The following ADCY2 variants were observed in gnomAD, a reference collection of about 807,000 sequenced individuals.
The protein encoded by ADCY2 is adenylate cyclase type 2.
ADCY2 carries 31 observed loss-of-function variants against 125.2 expected under a neutral mutation model. The observed-to-expected ratio is 0.25, with a 90% CI of 0.19 to 0.33. The LOEUF is 0.33. Among genes scored for constraint, ADCY2 ranks in the 10% least tolerant of loss-of-function variants. The pLI, the probability that ADCY2 is intolerant of heterozygous loss-of-function variation, is 1.00. For missense variants in ADCY2, 904 were observed against 1,418.2 expected (o/e 0.64, Z 5.82); for synonymous variants, 512 against 548.4 (o/e 0.93, Z 0.93).
rs996271916 is a variant in ADCY2, at chr5:7,561,292, A to G, written c.570+40393A>G. Among the ~76,000 whole-genome samples the G allele has an allele frequency of 3.9e-5, 6 of 152,228 alleles. No homozygotes were observed. The South Asian group carries it at 1.2e-3, about 32-fold the overall frequency. ...GCAATTTCATCATTGTGCGAACATCATAGCATGTACTTACGCAAACCTAAA... is the reference window on the plus strand; with the variant it reads ...GCAATTTCATCATTGTGCGAACATCGTAGCATGTACTTACGCAAACCTAAA... On this transcript the variant is annotated intron_variant, in intron 3 of 24. Transcript: ENST00000338316.
intron 4 of ADCY2, among the ~76,000 whole-genome samples, chr5:7,644,151 A>G (rs536235662): frequency 6.6e-6 from 1 of 152,192 alleles, no homozygotes; most frequent in South Asian, 2.1e-4. Flanking sequence ...TTGAAAAAGT[A>G]GTTACTTTTC....
intron 4 of ADCY2, among the ~76,000 whole-genome samples, chr5:7,633,763 C>T (rs532298966): frequency 6.6e-6 from 1 of 152,214 alleles, no homozygotes; most frequent in Non-Finnish European, 1.5e-5. Flanking sequence ...GCCCCCAAAA[C>T]CAGAAGTCAT....
intron 3 of ADCY2, among the ~76,000 whole-genome samples, chr5:7,544,592 T>G (rs1054785241): frequency 1.3e-5 from 2 of 152,080 alleles, no homozygotes; most frequent in Non-Finnish European, 2.9e-5. Context: ...GTGTGCAAAG[T>G]CCCTTTTGCC....
At chr5:7,795,842 G>A (rs1029447234) in intron 20 of ADCY2, 3 of 151,316 alleles carry the variant, frequency 2.0e-5, no homozygotes, top group African/African-American at 7.4e-5. Context: ...TATGTTTTAA[G>A]TATTCAATAG....
At chr5:7,421,506 A>G (rs113111556) in intron 2 of ADCY2, among the ~76,000 whole-genome samples, 2 of 152,282 alleles carry the variant, frequency 1.3e-5, no homozygotes, top group African/African-American at 4.8e-5. Flanking sequence ...TTGGATTACA[A>G]CCACCCTAAT....
intron 15 of ADCY2, among the ~76,000 whole-genome samples, chr5:7,750,016 A>G (rs986978331): frequency 1.3e-5 from 2 of 152,166 alleles, no homozygotes; most frequent in African/African-American, 2.4e-5. Context: ...TGAAAAGGAT[A>G]TAGGTTTTAG....
At chr5:7,570,118 C>G (rs1297452008) in intron 3 of ADCY2, among the ~76,000 whole-genome samples, 1 of 151,958 alleles carries the variant, frequency 6.6e-6, no homozygotes, top group Non-Finnish European at 1.5e-5. Context: ...TTCACTTAAG[C>G]TTTTCCCTGA....
At chr5:7,559,305 A>G (rs7715349) in intron 3 of ADCY2, among the ~76,000 whole-genome samples, 56,356 of 152,120 alleles carry the variant, frequency 0.37, 11,165 homozygotes, top group African/African-American at 0.42. Context: ...TCCTATCCAG[A>G]AGCATGGAAT....
intron 3 of ADCY2, among the ~76,000 whole-genome samples, chr5:7,606,070 C>A (rs2126639403): frequency 6.6e-6 from 1 of 150,504 alleles, no homozygotes; most frequent in Non-Finnish European, 1.5e-5. Flanking sequence ...TTGAGATAAT[C>A]ATGTGGTTTT....
chr5:7,589,139 C>A (rs979701038), intron 3 of ADCY2, among the ~76,000 whole-genome samples: 12 of 152,050 alleles, frequency 7.9e-5, no homozygotes, highest in Admixed American at 5.2e-4. Context: ...TTGATAATTG[C>A]ACAATAACCT....
chr5:7,396,391 G>T lies in ADCY2; in HGVS notation c.95G>T (p.Trp32Leu), dbSNP rs781118276. 1.9e-6 allele frequency: 3 copies of T among 1,568,910 alleles called. No homozygotes were observed. ...GACGGGCTGCCGCGGTCCCGGGACT[G>T]GCTCTACGAGTCCTACTACTGCATG... is the stretch of plus-strand genomic sequence containing the variant. ...GGDGLPRSRD[W>L]LYESYYCMSQ... Residue 32 changes from tryptophan to leucine, a missense_variant, in exon 1 of 25, where the codon TGG becomes TTG. By Grantham distance (61) the Trp-to-Leu change is moderately conservative. Around this residue, in one of 7 missense-constraint regions of ADCY2, gnomAD observed 113 missense variants for 108.0 expected, o/e 1.05. Coordinates refer to ENST00000338316, the MANE Select transcript of ADCY2 (RefSeq NM_020546.3). The surrounding 1 kb of genome is among the most constrained non-coding windows in gnomAD (Gnocchi z 5.7).
At chr5:7,785,830 G>A (rs1224186783) in intron 19 of ADCY2, among the ~76,000 whole-genome samples, 1 of 152,086 alleles carries the variant, frequency 6.6e-6, no homozygotes, top group Non-Finnish European at 1.5e-5. Flanking sequence ...CAAATTTTAA[G>A]AAACTCGTAT....
At chr5:7,537,806 C>T (rs1018621877) in intron 3 of ADCY2, among the ~76,000 whole-genome samples, 2 of 152,240 alleles carry the variant, frequency 1.3e-5, no homozygotes, top group African/African-American at 4.8e-5. Flanking sequence ...TGGCCCCTCC[C>T]TTCCCTTGCA....
chr5:7,752,894 CTTTT>C (rs11319936), intron 15 of ADCY2, among the ~76,000 whole-genome samples: 2 of 94,384 alleles, frequency 2.1e-5, no homozygotes, highest in African/African-American at 4.0e-5. Context: ...TAGGATTTTC[CTTTT>C]TTTTTTTTTT....
chr5:7,453,535 C>T (rs1741551432), intron 2 of ADCY2, among the ~76,000 whole-genome samples: 1 of 152,068 alleles, frequency 6.6e-6, no homozygotes. Context: ...ACTTAGGAGG[C>T]AGAAGGCAGA....
intron 3 of ADCY2, among the ~76,000 whole-genome samples, chr5:7,567,929 T>TTCTCTCTCTCTCTC (rs10590625): frequency 4.8e-5 from 7 of 146,568 alleles, no homozygotes; most frequent in Admixed American, 3.4e-4. Context: ...CGTCCTCTCT[T>TTCTCTCTCTCTCTC]TCTCTCTCTC....
chr5:7,437,462 C>T (rs139485410), intron 2 of ADCY2, among the ~76,000 whole-genome samples: 49 of 152,350 alleles, frequency 3.2e-4, no homozygotes, highest in African/African-American at 1.2e-3. Flanking sequence ...AGGCCACTTT[C>T]AGTGTCACCG....
At chr5:7,717,260 T>C (rs1349903091) in intron 12 of ADCY2, 23 bp downstream of exon 12, 1 of 1,523,604 alleles carries the variant, frequency 6.6e-7, no homozygotes, top group South Asian at 1.2e-5. Flanking sequence ...TTCTCTTAAA[T>C]TATCTTTCAT....
intron 2 of ADCY2, among the ~76,000 whole-genome samples, chr5:7,438,022 G>A (rs534875571): frequency 2.6e-5 from 4 of 152,284 alleles, no homozygotes; most frequent in Admixed American, 2.0e-4. Flanking sequence ...GAAAAGAAAT[G>A]TGTGGCATTT....
Sources: allele counts gnomAD v4.1 joint callset (sites outside exome capture counted in the v4.1 genomes callset), GRCh38; gene constraint gnomAD v4.1.1; regional missense constraint gnomAD v4.1.1; non-coding constraint Gnocchi (gnomAD v3.1); transcripts MANE v1.5; gene names NCBI Gene and HGNC (gene_info 2026-07-23, HGNC 2026-07-21).